CFAP251: variants seen among roughly 807,000 people sequenced by gnomAD.
The protein encoded by CFAP251 is cilia and flagella associated protein 251.
In CFAP251, 93 loss-of-function variants were observed where a neutral mutation model predicts 126.7. That is an observed-to-expected ratio of 0.73 (90% CI 0.62 to 0.87). The LOEUF is 0.87. Among genes scored for constraint, CFAP251 ranks in the 40% least tolerant of loss-of-function variants. The pLI is 0.00. For missense variants in CFAP251, 1,287 were observed against 1,389.2 expected (o/e 0.93, Z 1.17); for synonymous variants, 503 against 506.9 (o/e 0.99, Z 0.10).
chr12:121,944,690 T>C (rs745579583), intron 7 of CFAP251, among the ~76,000 whole-genome samples: 5 of 152,242 alleles, frequency 3.3e-5, no homozygotes, highest in Non-Finnish European at 7.3e-5. Context: ...TGTTCATTGC[T>C]AGTGTATAAA....
chr12:121,977,397 G>A (rs549188170), intron 19 of CFAP251, among the ~76,000 whole-genome samples: 151 of 152,310 alleles, frequency 9.9e-4, no homozygotes, highest in African/African-American at 3.2e-3. Flanking sequence ...AGTGGCTCAC[G>A]CCTGTAATCC....
intron 3 of CFAP251, among the ~76,000 whole-genome samples, chr12:121,929,827 G>A (rs576053443): frequency 2.6e-5 from 4 of 152,082 alleles, no homozygotes; most frequent in Non-Finnish European, 4.4e-5. Context: ...ACAGGCATGC[G>A]CCACCACACC....
At chr12:121,998,300 C>T (rs9739381) in intron 19 of CFAP251, 48,122 of 150,640 alleles carry the variant, frequency 0.32, 9,982 homozygotes, top group Non-Finnish European at 0.47. Context: ...AATCCTCCAG[C>T]CTCAGCCTCC....
At chr12:121,952,991 A>G (rs1010454114) in intron 9 of CFAP251, 5 of 152,206 alleles carry the variant, frequency 3.3e-5, no homozygotes, top group Non-Finnish European at 5.9e-5. Flanking sequence ...CATTTTCACC[A>G]ATTGATCAAT....
chr12:121,969,033 C>T (rs901289204), intron 17 of CFAP251: 13 of 985,098 alleles, frequency 1.3e-5, no homozygotes, highest in African/African-American at 1.0e-4. Context: ...CTTCTCCAAG[C>T]CCCTGCGCTG....
At chr12:121,977,655 C>CAT (rs1244162089) in intron 19 of CFAP251, among the ~76,000 whole-genome samples, 95 of 128,060 alleles carry the variant, frequency 7.4e-4, no homozygotes, top group African/African-American at 2.8e-3. Context: ...GCGAAACTCT[C>CAT]CTCAAAAAAT....
intron 19 of CFAP251, chr12:121,992,455 T>C: frequency 1.0e-6 from 1 of 985,408 alleles, no homozygotes; most frequent in African/African-American, 1.7e-5. Context: ...TGGAACTCTC[T>C]GGGTATGAGT....
In CFAP251 at chr12:122,001,600, T is replaced by C. The variant is rs1883153658; in HGVS notation, c.3337+2T>C. 6.2e-7 allele frequency: 1 copy of C among 1,613,320 alleles called. No individual in the cohort carries two copies. Among genetic ancestry groups the C allele is most frequent in the Non-Finnish European group, 8.5e-7 (1 of 1,179,380 alleles). On this transcript the variant is annotated splice_donor_variant, in intron 21 of 21. Coordinates refer to ENST00000288912, the MANE Select transcript of CFAP251 (RefSeq NM_144668.6). LOFTEE classifies it high-confidence loss of function. ...AGCCTGCAACCTGCTCCGTCAAAGG[T>C]ACCCCAGCTGGCTTTGTCTGGGCAT...
chr12:121,953,521 T>C (rs1881605037), intron 9 of CFAP251: 1 of 152,300 alleles, frequency 6.6e-6, no homozygotes, highest in South Asian at 2.1e-4. Flanking sequence ...TTTGAAATGA[T>C]AAAAATGTAT....
chr12:121,983,114 A>G (rs1407230220), intron 19 of CFAP251, among the ~76,000 whole-genome samples: 1 of 152,092 alleles, frequency 6.6e-6, no homozygotes, highest in East Asian at 1.9e-4. Context: ...GTAGTCCCAG[A>G]TACTTGGAGG....
chr12:121,977,411 C>T (rs949513011), intron 19 of CFAP251, among the ~76,000 whole-genome samples: 5 of 152,182 alleles, frequency 3.3e-5, no homozygotes, highest in African/African-American at 1.2e-4. Flanking sequence ...GTAATCCCAG[C>T]ACTTTGGGAG....
intron 20 of CFAP251, 92 bp downstream of exon 20, chr12:122,000,036 A>G (rs1883112735): frequency 8.4e-7 from 1 of 1,183,494 alleles, no homozygotes; most frequent in African/African-American, 1.5e-5. Context: ...GTGGAGCTCC[A>G]TCTTTCATGA....
intron 8 of CFAP251, 151 bp from the exon 9 acceptor site, chr12:121,951,329 G>C: frequency 2.1e-6 from 1 of 465,486 alleles, no homozygotes; most frequent in South Asian, 6.2e-5. Flanking sequence ...AATGTTTTTA[G>C]ATATTTCCCA....
chr12:121,975,297 G>T lies in CFAP251; in HGVS notation c.2825G>T (p.Gly942Val). The stretch of plus-strand genomic sequence containing the variant: ...GGTGAAGACTTGACCCCATTCTATG[G>T]TCTGCTGTCTGGTGGCCGGGAAGGA... ...LGGEDLTPFY[G>V]LLSGGREGKF... The change falls in exon 18 of 22, where the codon GGT (glycine) becomes GTT (valine). Residue 942 changes from glycine to valine, a missense_variant. Coordinates refer to ENST00000288912, the MANE Select transcript of CFAP251 (RefSeq NM_144668.6). 5 of 1,614,136 alleles carry T rather than the reference G, an allele frequency of 3.1e-6. No homozygotes were observed. The highest frequency in any genetic ancestry group is 4.2e-6 in the Non-Finnish European group (5 of 1,180,040).
chr12:122,001,296 T>TA (rs1883142095), intron 20 of CFAP251, among the ~76,000 whole-genome samples: 4 of 152,068 alleles, frequency 2.6e-5, no homozygotes, highest in Admixed American at 2.0e-4. Flanking sequence ...CCTCAAGTGA[T>TA]ACGCCCACCT....
rs539960742 is a variant in CFAP251, at chr12:121,954,292, A to G, written c.1493A>G (p.His498Arg). 6.6e-5 allele frequency: 107 copies of G among 1,614,168 alleles called. 1 individual carries two copies. The South Asian group carries it at 9.0e-4, about 14-fold the overall frequency. ...TATATCAAGCCTTGTAAATTGGTTC[A>G]TTTGCAGAAAGAGGGTATCACGGTA... ...FPYIKPCKLV[H>R]LQKEGITVLT... Residue 498 changes from histidine to arginine, a missense_variant, in exon 10 of 22, where the codon CAT (histidine) becomes CGT (arginine). Coordinates refer to ENST00000288912, the MANE Select transcript of CFAP251 (RefSeq NM_144668.6).
intron 17 of CFAP251, among the ~76,000 whole-genome samples, chr12:121,973,983 G>T (rs1882396920): frequency 6.6e-6 from 1 of 152,110 alleles, no homozygotes; most frequent in Admixed American, 6.6e-5. Flanking sequence ...ATTTGGGAGG[G>T]GTCAGAGGCG....
chr12:121,975,627 G>A lies in CFAP251; in HGVS notation c.2948G>A (p.Cys983Tyr). The change falls in exon 19 of 22, where the codon TGC (cysteine) becomes TAC (tyrosine). Residue 983 changes from cysteine to tyrosine, a missense_variant. Physicochemically the swap from Cys to Tyr is radical, Grantham distance 194 (BLOSUM62 -2). Coordinates refer to ENST00000288912, the MANE Select transcript of CFAP251 (RefSeq NM_144668.6). ...METRKVSEHICLSELPFVMRA... is the reference protein window; with the variant it reads ...METRKVSEHIYLSELPFVMRA... ...ACCAGAAAGGTGTCAGAACACATTT[G>A]CCTGTCAGAGCTTCCTTTTGTCATG... The A allele has an allele frequency of 6.2e-7, 1 of 1,600,710 alleles. No individual in the cohort carries two copies. Among genetic ancestry groups the A allele is most frequent in the Non-Finnish European group, 8.5e-7 (1 of 1,176,356 alleles).
At chr12:121,990,864 C>T (rs954309907) in intron 19 of CFAP251, among the ~76,000 whole-genome samples, 1 of 152,214 alleles carries the variant, frequency 6.6e-6, no homozygotes, top group Non-Finnish European at 1.5e-5. Flanking sequence ...CCTGTTAGTT[C>T]GCTTTCCTTG....
Sources: allele counts gnomAD v4.1 joint callset (sites outside exome capture counted in the v4.1 genomes callset), GRCh38; gene constraint gnomAD v4.1.1; transcripts MANE v1.5; gene names NCBI Gene and HGNC (gene_info 2026-07-23, HGNC 2026-07-21).